Variants in UNC13B observed in about 807,000 individuals in gnomAD.
The protein encoded by UNC13B is unc-13 homolog B, also known as protein unc-13 homolog B.
In UNC13B, 144 loss-of-function variants were observed where a neutral mutation model predicts 211.0. The observed-to-expected ratio is 0.68, with a 90% CI of 0.60 to 0.78. UNC13B has a LOEUF of 0.78. Among genes scored for constraint, UNC13B ranks in the 30% least tolerant of loss-of-function variants. The pLI, the probability that UNC13B is intolerant of heterozygous loss-of-function variation, is 0.00. For missense variants in UNC13B, 1,777 were observed against 2,002.0 expected (o/e 0.89, Z 2.14); for synonymous variants, 709 against 725.8 (o/e 0.98, Z 0.37).
At chr9:35,259,081 T>G (rs927085613) in intron 7 of UNC13B, 31 bp downstream of exon 7, 2 of 1,610,388 alleles carry the variant, frequency 1.2e-6, no homozygotes, top group African/African-American at 2.7e-5. Flanking sequence ...TGAATCTCTT[T>G]TAATTGTAGC....
At chr9:35,297,561 T>TTTTGTTTTTTTTTGTTTTTTG (rs1587564967) in intron 8 of UNC13B, among the ~76,000 whole-genome samples, 1 of 128,164 alleles carries the variant, frequency 7.8e-6, no homozygotes, top group Non-Finnish European at 1.7e-5. Context: ...TTTTTTTTTT[T>TTTTGTTTTTTTTTGTTTTTTG]TTTTTTGAGA....
chr9:35,190,403 C>G (rs546737954), intron 1 of UNC13B, among the ~76,000 whole-genome samples: 6 of 152,210 alleles, frequency 3.9e-5, no homozygotes, highest in African/African-American at 1.4e-4. Context: ...CACCAAAGCT[C>G]TCTCATAATG....
At position 35,398,272 on chromosome 9, in the gene UNC13B, C is replaced by T. The variant is rs1220495451; in HGVS notation, c.11816C>T (p.Ala3939Val). 6 of 1,613,818 alleles carry T rather than the reference C, an allele frequency of 3.7e-6. No individual in the cohort carries two copies. In the South Asian group the frequency reaches 6.6e-5, roughly 18 times the overall value. ...GTCCAGCTGGAGAAAATGTTTGAGG[C>T]CATGGGAGGCAAGGAGGTAGGTCTT... ...LRVQLEKMFE[A>V]MGGKELDLEA... The change falls in exon 31 of 40, where the codon GCC becomes GTC. Residue 3939 changes from alanine to valine, a missense_variant. Coordinates refer to ENST00000635942, the MANE Select transcript of UNC13B (RefSeq NM_001371189.2).
intron 20 of UNC13B, 53 bp from the exon 21 acceptor site, chr9:35,382,304 T>G: frequency 6.4e-7 from 1 of 1,561,546 alleles, no homozygotes; most frequent in Non-Finnish European, 8.6e-7. Context: ...CCTGCTTGGC[T>G]TTTGCTGCAA....
rs61753426 is a variant in UNC13B, at chr9:35,377,493, T to C, written c.9861T>C (p.His3287=). 655 of 1,614,152 alleles carry C rather than the reference T, an allele frequency of 4.1e-4. 3 individuals are homozygous for C. The African/African-American group carries it at 7.6e-3, about 19-fold the overall frequency. ...GGGCTGCAGAAAAGAGCTGTAAACA[T>C]GGAGCTGAGGACCGGACCCAGAACA... ...LQRAAEKSCK[H]GAEDRTQNII... is the part of the protein sequence containing the mutation. Residue 3287 remains histidine, a synonymous_variant, in exon 16 of 40, where the codon CAT becomes CAC. Transcript: ENST00000635942.
chr9:35,335,688 C>T (rs1001911065), intron 11 of UNC13B, among the ~76,000 whole-genome samples: 2 of 149,660 alleles, frequency 1.3e-5, no homozygotes, highest in African/African-American at 4.9e-5. Flanking sequence ...ATTCTTCCTT[C>T]TTGGCCTTTT....
chr9:35,403,359 C>G (rs1836456681), intron 38 of UNC13B, 81 bp from the exon 39 acceptor site: 9 of 1,603,096 alleles, frequency 5.6e-6, no homozygotes, highest in Non-Finnish European at 7.7e-6. Flanking sequence ...GCTCAGCCCT[C>G]CTCCAAGGGG....
chr9:35,243,327 A>G lies in UNC13B; in HGVS notation c.431A>G (p.Lys144Arg). The change falls in exon 6 of 40, where the codon AAA becomes AGA. Residue 144 changes from lysine (K) to arginine (R), a missense_variant. Lys to Arg is a conservative substitution (Grantham distance 26). Coordinates refer to ENST00000635942, the MANE Select transcript of UNC13B (RefSeq NM_001371189.2). ...PEEEARYWTY[K>R]WEQINALGAD... ...GAGGAAGCCAGATATTGGACCTACAAATGGGAGCAAATCAATGCCTTGGGA... is the reference window on the plus strand; with the variant it reads ...GAGGAAGCCAGATATTGGACCTACAGATGGGAGCAAATCAATGCCTTGGGA... 2 of 1,613,450 alleles carry G rather than the reference A, an allele frequency of 1.2e-6. No individual in the cohort carries two copies. The highest frequency in any genetic ancestry group is 1.3e-5 in the African/African-American group (1 of 74,978).
At chr9:35,366,811 A>T in intron 11 of UNC13B, 136 bp from the exon 12 acceptor site, 1 of 709,062 alleles carries the variant, frequency 1.4e-6, no homozygotes, top group Non-Finnish European at 2.5e-6. Context: ...ATTGGTTTAG[A>T]TGTCAGACAG....
chr9:35,297,089 G>T (rs1829397764), intron 8 of UNC13B, among the ~76,000 whole-genome samples: 1 of 129,210 alleles, frequency 7.7e-6, no homozygotes, highest in Non-Finnish European at 1.7e-5. Context: ...CTTTTAAGAA[G>T]CTTTTTTTTT....
At chr9:35,237,899 A>G (rs1187671135) in intron 5 of UNC13B, 73 bp downstream of exon 5, 1 of 1,480,058 alleles carries the variant, frequency 6.8e-7, no homozygotes, top group African/African-American at 1.4e-5. Context: ...TGTTTCATTA[A>G]TGTATATTTT....
intron 9 of UNC13B, among the ~76,000 whole-genome samples, chr9:35,309,998 C>A (rs2131858143): frequency 6.6e-6 from 1 of 152,190 alleles, no homozygotes; most frequent in South Asian, 2.1e-4. Flanking sequence ...TACACATTTA[C>A]AATTGTAGAG....
chr9:35,237,694 G>A lies in UNC13B; in HGVS notation c.271-9G>A. The A allele has an allele frequency of 1.2e-6, 2 of 1,609,634 alleles. No individual in the cohort carries two copies. The highest frequency in any genetic ancestry group is 1.7e-6 in the Non-Finnish European group (2 of 1,178,996). On this transcript the variant is annotated splice_polypyrimidine_tract_variant and intron_variant, in intron 4 of 39. Coordinates refer to ENST00000635942, the MANE Select transcript of UNC13B (RefSeq NM_001371189.2). ...GATTAAACTTTAATCTTAGATCTTTGTTTCCTAGGAAGGGCCTGGGGAATG... is the reference window on the plus strand; with the variant it reads ...GATTAAACTTTAATCTTAGATCTTTATTTCCTAGGAAGGGCCTGGGGAATG...
chr9:35,290,243 AG>A (rs1188484698), intron 7 of UNC13B, among the ~76,000 whole-genome samples: 1 of 152,110 alleles, frequency 6.6e-6, no homozygotes, highest in African/African-American at 2.4e-5. Flanking sequence ...GCTCTCTTTA[AG>A]GACCCAATAG....
intron 7 of UNC13B, among the ~76,000 whole-genome samples, chr9:35,286,178 A>G (rs913607120): frequency 6.6e-6 from 1 of 151,368 alleles, no homozygotes; most frequent in East Asian, 1.9e-4. Flanking sequence ...GGGCTTCCAC[A>G]TAGGAACCAG....
intron 1 of UNC13B, among the ~76,000 whole-genome samples, chr9:35,163,348 G>C (rs1226928134): frequency 1.3e-5 from 2 of 152,152 alleles, no homozygotes; most frequent in African/African-American, 4.8e-5. Flanking sequence ...CTCCAATAAC[G>C]ATGTTTCCCC....
At chr9:35,396,717 G>A (rs1587770948) in intron 27 of UNC13B, 115 bp downstream of exon 27, 18 of 1,595,948 alleles carry the variant, frequency 1.1e-5, no homozygotes, top group East Asian at 8.9e-5. Flanking sequence ...AGGTACCACC[G>A]TAGACAAAGA....
intron 1 of UNC13B, among the ~76,000 whole-genome samples, chr9:35,205,504 A>G (rs1823592636): frequency 6.6e-6 from 1 of 152,216 alleles, no homozygotes; most frequent in Non-Finnish European, 1.5e-5. Flanking sequence ...CACTGTAAGA[A>G]AGAAACCTCT....
chr9:35,396,591 T>G lies in UNC13B; in HGVS notation c.11424T>G (p.Pro3808=). The G allele has an allele frequency of 6.2e-7, 1 of 1,613,944 alleles. No homozygotes were observed. The highest frequency in any genetic ancestry group is 8.5e-7 in the Non-Finnish European group (1 of 1,180,000). Reference sequence around the variant, plus strand: ...TGCCTGTCCTCCAGGGGCAGGTGCCTGAGTACCCAGCGTGAGTCATCATGT... The same window carrying G: ...TGCCTGTCCTCCAGGGGCAGGTGCCGGAGTACCCAGCGTGAGTCATCATGT... ...RDLPVLQGQV[P]EYPAWFEQFV... Residue 3808 remains proline (P), a synonymous_variant, in exon 27 of 40, where the codon CCT becomes CCG. Transcript: ENST00000635942.
Sources: allele counts gnomAD v4.1 joint callset (sites outside exome capture counted in the v4.1 genomes callset), GRCh38; gene constraint gnomAD v4.1.1; transcripts MANE v1.5; gene names NCBI Gene and HGNC (gene_info 2026-07-23, HGNC 2026-07-21).